The following CNTNAP5 variants were observed in gnomAD, a reference collection of about 807,000 sequenced individuals.
CNTNAP5 encodes the protein contactin-associated protein-like 5.
In CNTNAP5, 72 loss-of-function variants were observed where a neutral mutation model predicts 150.2. The ratio of observed to expected loss-of-function variants is 0.48; its 90% CI spans 0.40 to 0.58. CNTNAP5 has a LOEUF of 0.58. Ranked by LOEUF, CNTNAP5 falls within the 20% of genes least tolerant of loss-of-function variation. CNTNAP5 has a pLI of 0.00. For synonymous variants in CNTNAP5, 672 were observed against 619.8 expected, an observed-to-expected ratio of 1.08 and a Z score of -1.25; for missense variants, 1,636 against 1,626.2, an observed-to-expected ratio of 1.01 and a Z score of -0.10.
chr2:124,857,134 G>A (rs540880513), intron 19 of CNTNAP5, among the ~76,000 whole-genome samples: 2 of 152,120 alleles, frequency 1.3e-5, no homozygotes, highest in Non-Finnish European at 1.5e-5. Flanking sequence ...TGGAGATGGG[G>A]TGACGAGGAA....
intron 7 of CNTNAP5, among the ~76,000 whole-genome samples, chr2:124,486,619 C>A (rs12623908): frequency 0.85 from 128,680 of 151,610 alleles, 54,770 homozygotes; most frequent in East Asian, 1. Context: ...TGGGAAGAAA[C>A]AAGGAGACAT....
chr2:124,313,845 C>T (rs1275646675), intron 3 of CNTNAP5, among the ~76,000 whole-genome samples: 3 of 152,174 alleles, frequency 2.0e-5, no homozygotes, highest in East Asian at 1.9e-4. Context: ...CAGATCATTC[C>T]TGTTTTCCAT....
intron 3 of CNTNAP5, among the ~76,000 whole-genome samples, chr2:124,337,327 T>A (rs1225219532): frequency 6.6e-6 from 1 of 152,206 alleles, no homozygotes; most frequent in Non-Finnish European, 1.5e-5. Flanking sequence ...GTAGGTTGCC[T>A]GTTCACTCTG....
chr2:124,892,283 A>G (rs1464321585), intron 21 of CNTNAP5, among the ~76,000 whole-genome samples: 1 of 152,186 alleles, frequency 6.6e-6, no homozygotes, highest in Non-Finnish European at 1.5e-5. Context: ...CAATTATAGC[A>G]AAATCAACAG....
intron 10 of CNTNAP5, among the ~76,000 whole-genome samples, chr2:124,549,184 T>A (rs530585950): frequency 6.6e-6 from 1 of 152,358 alleles, no homozygotes; most frequent in South Asian, 2.1e-4. Context: ...CAGGCACTGC[T>A]GGTATCTGTT....
intron 1 of CNTNAP5, among the ~76,000 whole-genome samples, chr2:124,129,562 G>A (rs960847716): frequency 6.6e-6 from 1 of 152,186 alleles, no homozygotes; most frequent in African/African-American, 2.4e-5. Flanking sequence ...GAAGAGGGGT[G>A]AGTGTAGGAC....
chr2:124,729,074 C>T (rs1358623456), intron 13 of CNTNAP5, among the ~76,000 whole-genome samples: 1 of 151,954 alleles, frequency 6.6e-6, no homozygotes, highest in Non-Finnish European at 1.5e-5. Context: ...TGGACCTTAC[C>T]AGGCCTTTTA....
chr2:124,910,783 T>C (rs962576829), intron 22 of CNTNAP5, among the ~76,000 whole-genome samples: 3 of 151,972 alleles, frequency 2.0e-5, no homozygotes, highest in Admixed American at 2.0e-4. Flanking sequence ...TACTTATAAG[T>C]GTATAGTAGC....
In CNTNAP5 at chr2:124,416,936, CTT is replaced by C. The variant is rs70996064; in HGVS notation, c.382-487_382-486del. 4.9e-3 allele frequency among the ~76,000 whole-genome samples: 521 copies of C among 106,590 alleles called. 4 individuals carry two copies. The highest frequency in any genetic ancestry group is 0.017 in the South Asian group (48 of 2,870). 69.9% of individuals were successfully genotyped at this position (106,590 alleles called of 152,430 possible). ...TTCATAAAATGTTTAAGAGGGATTT[CTT>C]TTTTTTTTTTTTTTTTTTTGACAGA... On this transcript the variant is annotated intron_variant, in intron 3 of 23. Transcript: ENST00000682447.
chr2:124,485,656 G>A (rs1693861886), intron 7 of CNTNAP5, among the ~76,000 whole-genome samples: 2 of 146,474 alleles, frequency 1.4e-5, no homozygotes, highest in South Asian at 4.5e-4. Context: ...ATTTACCGGG[G>A]AACACATAGC....
intron 1 of CNTNAP5, among the ~76,000 whole-genome samples, chr2:124,164,717 C>A (rs866313855): frequency 6.6e-6 from 1 of 152,016 alleles, no homozygotes; most frequent in Non-Finnish European, 1.5e-5. Context: ...CACAGGGCCA[C>A]GTAAATCACA....
intron 6 of CNTNAP5, among the ~76,000 whole-genome samples, chr2:124,473,446 A>T (rs1446355555): frequency 6.6e-6 from 1 of 152,090 alleles, no homozygotes; most frequent in Non-Finnish European, 1.5e-5. Context: ...TTGTAAGTAA[A>T]AGTGGGCAAC....
chr2:124,211,633 A>T (rs962073777), intron 1 of CNTNAP5, among the ~76,000 whole-genome samples: 8 of 152,264 alleles, frequency 5.3e-5, no homozygotes, highest in African/African-American at 1.9e-4. Context: ...GTAAAGGTCA[A>T]TGTTTGTTCA....
chr2:124,447,029 TG>T, intron 6 of CNTNAP5, 92 bp downstream of exon 6: 1 of 1,278,896 alleles, frequency 7.8e-7, no homozygotes, highest in Middle Eastern at 1.9e-4. Context: ...AGAGAAGTGG[TG>T]GGGCACTGAG....
chr2:124,112,579 G>T (rs1010340699), intron 1 of CNTNAP5, among the ~76,000 whole-genome samples: 2 of 152,008 alleles, frequency 1.3e-5, no homozygotes, highest in Non-Finnish European at 2.9e-5. Flanking sequence ...AAAATTTTGT[G>T]CTCCTAAAGA....
chr2:124,312,618 C>A (rs1452466092), intron 3 of CNTNAP5, among the ~76,000 whole-genome samples: 1 of 151,994 alleles, frequency 6.6e-6, no homozygotes, highest in African/African-American at 2.4e-5. Context: ...TCGCCCAGGC[C>A]GGACTGCAGT....
chr2:124,555,563 G>A (rs1340505764), intron 10 of CNTNAP5, among the ~76,000 whole-genome samples: 1 of 152,154 alleles, frequency 6.6e-6, no homozygotes, highest in Non-Finnish European at 1.5e-5. Context: ...TACAACTTAA[G>A]TTTTGCAATA....
rs992027437 is a variant in CNTNAP5 at position 124,446,778 on chromosome 2, C to G, written c.759C>G (p.Ser253Arg). ...NLGDSKARLS[S>R]SLPSATLGSL... ...GTGACAGCAAAGCGCGGCTCAGCAG[C>G]AGCTTGCCCTCTGCCACCCTGGGCA... The change falls in exon 6 of 24, where the codon AGC becomes AGG. Residue 253 changes from serine to arginine, a missense_variant. Ser to Arg is a moderately radical substitution (Grantham distance 110). Transcript: ENST00000682447. 1.2e-6 allele frequency: 2 copies of G among 1,613,640 alleles called. No individual in the cohort carries two copies. The highest frequency in any genetic ancestry group is 1.7e-6 in the Non-Finnish European group (2 of 1,179,746).
chr2:124,038,373 A>G (rs945679580), intron 1 of CNTNAP5, among the ~76,000 whole-genome samples: 1 of 152,022 alleles, frequency 6.6e-6, no homozygotes, highest in Non-Finnish European at 1.5e-5. Context: ...TATTTCAGCT[A>G]TTGTCTTGAC....
Sources: gnomAD v4.1 joint callset for allele counts (sites outside exome capture counted in the v4.1 genomes callset) on GRCh38, gnomAD v4.1.1 for gene constraint, MANE v1.5 for transcripts, NCBI Gene and HGNC (gene_info 2026-07-23, HGNC 2026-07-21) for gene names.